Variants in AGPAT3 observed in about 807,000 individuals in gnomAD.
AGPAT3 encodes 1-acylglycerol-3-phosphate O-acyltransferase 3, also known as 1-acyl-sn-glycerol-3-phosphate acyltransferase gamma.
Under a neutral mutation model 47.3 loss-of-function variants are expected in AGPAT3, and 5 were observed. That is an observed-to-expected ratio of 0.11 (90% CI 0.06 to 0.22). AGPAT3 has a LOEUF of 0.22. Ranked by LOEUF, AGPAT3 falls within the 10% of genes least tolerant of loss-of-function variation. The probability of loss-of-function intolerance (pLI) is 1.00; values close to 1 mark genes in which losing one functional copy is unlikely to be tolerated. For missense variants in AGPAT3, 315 were observed against 493.0 expected (o/e 0.64, Z 3.42); for synonymous variants, 212 against 208.3 (o/e 1.02, Z -0.15).
chr21:43,973,137 G>C (rs1030264263), intron 7 of AGPAT3, among the ~76,000 whole-genome samples: 1 of 152,264 alleles, frequency 6.6e-6, no homozygotes, highest in African/African-American at 2.4e-5. Flanking sequence ...ACTCCTTTCT[G>C]AAGTTCAAGG....
intron 1 of AGPAT3, among the ~76,000 whole-genome samples, chr21:43,894,217 C>CTTTTT (rs11370715): frequency 2.9e-5 from 4 of 140,224 alleles, no homozygotes; most frequent in Non-Finnish European, 3.1e-5. Flanking sequence ...TTCTTTCTTT[C>CTTTTT]TTTTTTTTTT....
chr21:43,892,516 T>C (rs755029203), intron 1 of AGPAT3, among the ~76,000 whole-genome samples: 1 of 152,232 alleles, frequency 6.6e-6, no homozygotes, highest in Non-Finnish European at 1.5e-5. Flanking sequence ...GCTTAAAATA[T>C]TCAGTAAACC....
intron 1 of AGPAT3, among the ~76,000 whole-genome samples, chr21:43,886,082 C>T (rs2085970366): frequency 6.6e-6 from 1 of 152,200 alleles, no homozygotes; most frequent in Non-Finnish European, 1.5e-5. Flanking sequence ...TGGGTGGACG[C>T]AGCACCTGCG....
At position 43,971,437 on chromosome 21, in the gene AGPAT3, G is replaced by T. The variant is rs2089389466; in HGVS notation, c.714G>T (p.Pro238=). The T allele has an allele frequency of 3.7e-6, 6 of 1,614,228 alleles. No homozygotes were observed. Among genetic ancestry groups the T allele is most frequent in the Non-Finnish European group, 5.1e-6 (6 of 1,180,042 alleles). The change falls in exon 7 of 10, where the codon CCG becomes CCT. Residue 238 remains proline, a synonymous_variant. Coordinates refer to ENST00000291572, the MANE Select transcript of AGPAT3 (RefSeq NM_020132.5). ...VTLNFRGNKN[P]SLLGILYGKK... The stretch of plus-strand genomic sequence containing the variant: ...TGAACTTCAGAGGAAACAAGAACCC[G>T]TCCCTGCTGGGGATCCTCTACGGGA...
intron 2 of AGPAT3, among the ~76,000 whole-genome samples, chr21:43,921,973 G>T (rs2838435): frequency 0.73 from 111,007 of 151,800 alleles, 40,931 homozygotes; most frequent in South Asian, 0.82. Flanking sequence ...CAGTGTGAGT[G>T]TTGGGACATT....
chr21:43,865,887 CT>C (rs1569035732), intron 1 of AGPAT3, among the ~76,000 whole-genome samples: 2 of 152,054 alleles, frequency 1.3e-5, no homozygotes, highest in South Asian at 4.1e-4. Context: ...AGCAGTTTCA[CT>C]TTTGCCGCTC....
In AGPAT3 at chr21:43,955,211, T is replaced by C; in HGVS notation, c.-48-4423T>C. The C allele has an allele frequency of 4.8e-6, 6 of 1,241,252 alleles. No individual in the cohort carries two copies. The highest frequency in any genetic ancestry group is 6.3e-6 in the Non-Finnish European group (6 of 958,372). 76.9% of individuals were successfully genotyped at this position (1,241,252 alleles called of 1,614,324 possible). ...GCTGGACCGGCTGGGCCAGATGCCA[T>C]GGGATTCTGTGTTTGTGAACCTCTA... On this transcript the variant is annotated intron_variant, in intron 2 of 9. Transcript: ENST00000291572. This position sits in a 1 kb window ranked among gnomAD's most constrained non-coding sequence, Gnocchi z 4.1.
intron 2 of AGPAT3, among the ~76,000 whole-genome samples, chr21:43,928,239 T>G (rs2087121907): frequency 6.6e-6 from 1 of 152,186 alleles, no homozygotes; most frequent in Non-Finnish European, 1.5e-5. Flanking sequence ...ACAGGGGCCC[T>G]CTTCTCCGGG....
rs1344730553 is a variant in AGPAT3 at position 43,920,988 on chromosome 21, C to T, written c.-49+16969C>T. Reference sequence around the variant, plus strand: ...CTTAGCCGGGCGTGGTGGCGGGCACCTGTAGTTCCAGCTACTCAGCAGGCT... The same window carrying T: ...CTTAGCCGGGCGTGGTGGCGGGCACTTGTAGTTCCAGCTACTCAGCAGGCT... On this transcript the variant is annotated intron_variant, in intron 2 of 9. Transcript: ENST00000291572. The surrounding 1 kb of genome is among the most constrained non-coding windows in gnomAD (Gnocchi z 6.1). 1.3e-5 allele frequency among the ~76,000 whole-genome samples: 2 copies of T among 152,168 alleles called. No individual in the cohort carries two copies. The highest frequency in any genetic ancestry group is 4.8e-5 in the African/African-American group (2 of 41,442).
chr21:43,981,800 T>TCCCCTGCTCCTGCCG lies in AGPAT3; in HGVS notation c.1043-496_1043-482dup, dbSNP rs2089862221. Among the ~76,000 whole-genome samples the TCCCCTGCTCCTGCCG allele has an allele frequency of 6.6e-6, 1 of 151,814 alleles. No homozygotes were observed. Among genetic ancestry groups the TCCCCTGCTCCTGCCG allele is most frequent in the Non-Finnish European group, 1.5e-5 (1 of 67,922 alleles). On this transcript the variant is annotated intron_variant, in intron 9 of 9. Coordinates refer to ENST00000291572, the MANE Select transcript of AGPAT3 (RefSeq NM_020132.5). This position sits in a 1 kb window ranked among gnomAD's most constrained non-coding sequence, Gnocchi z 5.3. ...CAGGCCCAGCAGCTGGGCCAGCTCCTCCCCTGCTCCTGCCGCCCCTGCCAG... is the reference window on the plus strand; with the variant it reads ...CAGGCCCAGCAGCTGGGCCAGCTCCTCCCCTGCTCCTGCCGCCCCTGCTCCTGCCGCCCCTGCCAG...
At position 43,876,524 on chromosome 21, in the gene AGPAT3, G is replaced by C. The variant is rs376443970; in HGVS notation, c.-112+11179G>C. ...GAATTACTTTAGGCTGATTTCCTGG[G>C]CTCACAAAGGGGATGTCTAAAGACA... is the stretch of plus-strand genomic sequence containing the variant. On this transcript the variant is annotated intron_variant, in intron 1 of 9. Coordinates refer to ENST00000291572, the MANE Select transcript of AGPAT3 (RefSeq NM_020132.5). Among the ~76,000 whole-genome samples, 11 of 152,344 alleles carry C rather than the reference G, an allele frequency of 7.2e-5. No individual in the cohort carries two copies. The East Asian group carries it at 9.6e-4, about 13-fold the overall frequency.
At chr21:43,901,241 T>C (rs2086344257) in intron 1 of AGPAT3, among the ~76,000 whole-genome samples, 1 of 151,496 alleles carries the variant, frequency 6.6e-6, no homozygotes, top group Non-Finnish European at 1.5e-5. Context: ...GGAGGATCCC[T>C]TGAGCCTGGA....
At chr21:43,947,457 C>T (rs2087948667) in intron 2 of AGPAT3, among the ~76,000 whole-genome samples, 1 of 152,194 alleles carries the variant, frequency 6.6e-6, no homozygotes, top group African/African-American at 2.4e-5. Flanking sequence ...GAGTGACGCC[C>T]CCGGCATCTC....
At chr21:43,914,347 T>C (rs1405770271) in intron 2 of AGPAT3, among the ~76,000 whole-genome samples, 1 of 152,198 alleles carries the variant, frequency 6.6e-6, no homozygotes, top group African/African-American at 2.4e-5. Context: ...TCTTCCTTCT[T>C]TATGTTCTGG....
At chr21:43,935,471 C>T (rs1452803190) in intron 2 of AGPAT3, among the ~76,000 whole-genome samples, 1 of 152,234 alleles carries the variant, frequency 6.6e-6, no homozygotes, top group African/African-American at 2.4e-5. Flanking sequence ...CCACAATGTC[C>T]CCACAGTTTT....
chr21:43,898,490 C>T (rs929773475), intron 1 of AGPAT3, among the ~76,000 whole-genome samples: 5 of 152,190 alleles, frequency 3.3e-5, no homozygotes, highest in Non-Finnish European at 7.3e-5. Context: ...TCCTTACCTT[C>T]GTTAATGCCC....
intron 1 of AGPAT3, among the ~76,000 whole-genome samples, chr21:43,891,932 C>T (rs760708127): frequency 8.5e-5 from 13 of 152,094 alleles, no homozygotes; most frequent in Non-Finnish European, 1.9e-4. Context: ...TTACTTTGCC[C>T]AGATCCATCA....
At chr21:43,962,086 T>C (rs558372064) in intron 3 of AGPAT3, among the ~76,000 whole-genome samples, 18 of 151,554 alleles carry the variant, frequency 1.2e-4, no homozygotes, top group Non-Finnish European at 2.1e-4. Flanking sequence ...CTGCAAGCTC[T>C]GCCTCCTGGG....
intron 2 of AGPAT3, among the ~76,000 whole-genome samples, chr21:43,923,900 G>A (rs373029734): frequency 5.9e-5 from 9 of 152,200 alleles, no homozygotes; most frequent in Non-Finnish European, 1.0e-4. Flanking sequence ...CCTGGAGGAC[G>A]GCAGGGGGCT....
Sources: allele counts gnomAD v4.1 joint callset (sites outside exome capture counted in the v4.1 genomes callset), GRCh38; gene constraint gnomAD v4.1.1; non-coding constraint Gnocchi (gnomAD v3.1); transcripts MANE v1.5; gene names NCBI Gene and HGNC (gene_info 2026-07-23, HGNC 2026-07-21).